Variants in COL4A1 observed in about 807,000 individuals in gnomAD.
COL4A1 encodes the protein collagen type IV alpha 1 chain.
Under a neutral mutation model 216.6 loss-of-function variants are expected in COL4A1, and 40 were observed. The ratio of observed to expected loss-of-function variants is 0.18; its 90% CI spans 0.14 to 0.24. COL4A1 has a LOEUF of 0.24. Ranked by LOEUF, COL4A1 falls within the 10% of genes least tolerant of loss-of-function variation. The pLI, the probability that COL4A1 is intolerant of heterozygous loss-of-function variation, is 1.00. For synonymous variants in COL4A1, 839 were observed against 810.7 expected (o/e 1.03, Z -0.59); for missense variants, 1,628 against 2,196.8 (o/e 0.74, Z 5.18).
intron 18 of COL4A1, 28 bp from the exon 19 acceptor site, chr13:110,201,550 C>G (rs373508911): frequency 8.8e-5 from 141 of 1,596,526 alleles, no homozygotes; most frequent in Non-Finnish European, 1.1e-4. Flanking sequence ...AGGTGATCAT[C>G]CCGTGGCATG....
intron 13 of COL4A1, 90 bp from the exon 14 acceptor site, chr13:110,206,981 ACCTTTTTCTGATATATT>A: frequency 1.6e-6 from 2 of 1,240,384 alleles, no homozygotes; most frequent in Non-Finnish European, 2.3e-6. Flanking sequence ...AAAAAAAAAA[ACCTTTTTCTGATATATT>A]AACAAAGAAA....
intron 49 of COL4A1, among the ~76,000 whole-genome samples, chr13:110,157,014 A>G (rs533879894): frequency 1.1e-4 from 16 of 152,352 alleles, no homozygotes; most frequent in Admixed American, 3.3e-4. Context: ...GCTAGACACG[A>G]GACCTAGAAA....
chr13:110,220,827 C>G (rs1009072896), intron 2 of COL4A1, among the ~76,000 whole-genome samples: 3 of 152,136 alleles, frequency 2.0e-5, no homozygotes, highest in African/African-American at 7.2e-5. Flanking sequence ...GGGGTGGGAG[C>G]TGGGCTGGAT....
chr13:110,304,492 G>A (rs996117559), intron 1 of COL4A1, among the ~76,000 whole-genome samples: 1 of 152,200 alleles, frequency 6.6e-6, no homozygotes, highest in Non-Finnish European at 1.5e-5. Context: ...GCTGCTGCAG[G>A]AAGGGTTCAT....
intron 49 of COL4A1, among the ~76,000 whole-genome samples, chr13:110,157,896 T>A (rs1876862536): frequency 6.6e-6 from 1 of 152,026 alleles, no homozygotes; most frequent in Non-Finnish European, 1.5e-5. Flanking sequence ...CTGAGACCTG[T>A]TTTTGGACTA....
chr13:110,201,541 G>T lies in COL4A1; in HGVS notation c.1000-19C>A, dbSNP rs752614535. The T allele has an allele frequency of 1.2e-6, 2 of 1,608,446 alleles. No individual in the cohort carries two copies. The highest frequency in any genetic ancestry group is 1.7e-6 in the Non-Finnish European group (2 of 1,174,816). ...CTATAACCTGAATCGAGAAGGAAAA[G>T]GTGATCATCCCGTGGCATGGGAATG... is the stretch of plus-strand genomic sequence containing the variant. On this transcript the variant is annotated intron_variant, in intron 18 of 51. Transcript: ENST00000375820.
At chr13:110,204,865 G>C (rs112444097) in intron 17 of COL4A1, among the ~76,000 whole-genome samples, 1 of 152,054 alleles carries the variant, frequency 6.6e-6, no homozygotes, top group Non-Finnish European at 1.5e-5. Flanking sequence ...TAAATACCAC[G>C]CAACAAAAGG....
intron 49 of COL4A1, among the ~76,000 whole-genome samples, chr13:110,158,830 C>T (rs1469579121): frequency 6.6e-6 from 1 of 151,474 alleles, no homozygotes; most frequent in Non-Finnish European, 1.5e-5. Context: ...GCAACCTCCG[C>T]CTGCTGGGTT....
In COL4A1 at chr13:110,213,839, A is replaced by G; in HGVS notation, c.235-13T>C. The G allele has an allele frequency of 6.2e-7, 1 of 1,614,158 alleles. No homozygotes were observed. Among genetic ancestry groups the G allele is most frequent in the Non-Finnish European group, 8.5e-7 (1 of 1,180,020 alleles). ...CTCCAGTATCACCCTGGAACAGAAT[A>G]GAAATGCCATTGTCATTGATCACCG... On this transcript the variant is annotated splice_polypyrimidine_tract_variant and intron_variant, in intron 3 of 51. Coordinates refer to ENST00000375820, the MANE Select transcript of COL4A1 (RefSeq NM_001845.6).
rs193077913 is a variant in COL4A1 at position 110,252,086 on chromosome 13, C to T, written c.85-9352G>A. Reference sequence around the variant, plus strand: ...TTGCCCAGGCTGGAGTGCTGTGGCGCGATCTCAACTCACTGCAACCTCCCT... The same window carrying T: ...TTGCCCAGGCTGGAGTGCTGTGGCGTGATCTCAACTCACTGCAACCTCCCT... On this transcript the variant is annotated intron_variant, in intron 1 of 51. Coordinates refer to ENST00000375820, the MANE Select transcript of COL4A1 (RefSeq NM_001845.6). Among the ~76,000 whole-genome samples the T allele has an allele frequency of 3.0e-4, 45 of 152,144 alleles. No individual in the cohort carries two copies. In the East Asian group the frequency reaches 3.3e-3, roughly 11 times the overall value.
chr13:110,171,989 C>T (rs926989196), intron 41 of COL4A1, among the ~76,000 whole-genome samples: 6 of 152,224 alleles, frequency 3.9e-5, no homozygotes, highest in South Asian at 2.1e-4. Context: ...GGGCTGGTCT[C>T]GGGGAGAACC....
rs760212619 is a variant in COL4A1 at position 110,161,212 on chromosome 13, G to A, written c.4620C>T (p.Asn1540=). 2 of 1,614,202 alleles carry A rather than the reference G, an allele frequency of 1.2e-6. No homozygotes were observed. The highest frequency in any genetic ancestry group is 1.7e-6 in the Non-Finnish European group (2 of 1,180,044). Residue 1540 remains asparagine, a synonymous_variant, in exon 49 of 52, where the codon AAC becomes AAT. Transcript: ENST00000375820. ...PMSMAPITGE[N]IRPFISRCAV... ...CTCACCTACTAATAAATGGTCTTAT[G>A]TTTTCCCCCGTGATGGGTGCCATTG...
chr13:110,251,373 G>A (rs1338899410), intron 1 of COL4A1, among the ~76,000 whole-genome samples: 1 of 152,258 alleles, frequency 6.6e-6, no homozygotes, highest in Non-Finnish European at 1.5e-5. Flanking sequence ...GGCAGGGGAA[G>A]CACCAGCAGG....
At chr13:110,191,133 TC>T (rs2139177816) in intron 24 of COL4A1, 1 of 152,580 alleles carries the variant, frequency 6.6e-6, no homozygotes, top group Admixed American at 6.5e-5. Context: ...AACTTCTAAC[TC>T]AGCTCCCCAG....
intron 24 of COL4A1, 107 bp downstream of exon 24, chr13:110,192,107 C>T: frequency 2.6e-6 from 3 of 1,156,776 alleles, no homozygotes; most frequent in South Asian, 2.5e-5. Context: ...CTTACCAGCT[C>T]CCACACAAGG....
At chr13:110,272,527 T>A (rs1883280951) in intron 1 of COL4A1, among the ~76,000 whole-genome samples, 1 of 152,050 alleles carries the variant, frequency 6.6e-6, no homozygotes. Flanking sequence ...CATGCTTGTC[T>A]CTCTGAATTC....
At chr13:110,291,836 C>T (rs984428842) in intron 1 of COL4A1, among the ~76,000 whole-genome samples, 1 of 152,154 alleles carries the variant, frequency 6.6e-6, no homozygotes, top group Non-Finnish European at 1.5e-5. Flanking sequence ...TTCAAATTTC[C>T]ATTTTCTAGC....
intron 24 of COL4A1, chr13:110,191,372 A>G (rs1878618530): frequency 3.4e-6 from 1 of 295,276 alleles, no homozygotes; most frequent in Non-Finnish European, 6.2e-6. Flanking sequence ...AAAAAAAGGA[A>G]TGAAAGGAAT....
chr13:110,211,396 C>T lies in COL4A1; in HGVS notation c.468+251G>A, dbSNP rs1446266404. Among the ~76,000 whole-genome samples the T allele has an allele frequency of 6.6e-6, 1 of 152,252 alleles. No homozygotes were observed. The highest frequency in any genetic ancestry group is 6.5e-5 in the Admixed American group (1 of 15,290). On this transcript the variant is annotated intron_variant, in intron 8 of 51. Transcript: ENST00000375820. The surrounding 1 kb of genome is among the most constrained non-coding windows in gnomAD (Gnocchi z 4.3). The stretch of plus-strand genomic sequence containing the variant: ...CCCCAGTTTGGGTGAAGTGAGCCTT[C>T]GCCACCACACCAGGCCTCCTTCCGC...
Sources: gnomAD v4.1 joint callset for allele counts (sites outside exome capture counted in the v4.1 genomes callset) on GRCh38, gnomAD v4.1.1 for gene constraint, Gnocchi (gnomAD v3.1) non-coding constraint, MANE v1.5 for transcripts, NCBI Gene and HGNC (gene_info 2026-07-23, HGNC 2026-07-21) for gene names.